The following HDAC9 variants were observed in gnomAD, a reference collection of about 807,000 sequenced individuals.
HDAC9 encodes the protein histone deacetylase 9, also known as MEF-2 interacting transcription repressor (MITR) protein.
In HDAC9, 41 loss-of-function variants were observed where a neutral mutation model predicts 139.4. The ratio of observed to expected loss-of-function variants is 0.29; its 90% confidence interval spans 0.23 to 0.38. The LOEUF (loss-of-function observed/expected upper bound fraction) is 0.38, where lower values mean the gene tolerates loss of function less well. Ranked by LOEUF, HDAC9 falls within the 10% of genes least tolerant of loss-of-function variation. The pLI is 1.00. For synonymous variants in HDAC9, 517 were observed against 476.2 expected (o/e 1.09, Z -1.12); for missense variants, 1,147 against 1,297.0 (o/e 0.88, Z 1.78).
At position 19,001,554 on chromosome 7, in the gene HDAC9, A is replaced by AC. The variant is rs1786749799; in HGVS notation, c.*5492_*5493insC. 6.6e-6 allele frequency: 1 copy of AC among 151,174 alleles called. No homozygotes were observed. The highest frequency in any genetic ancestry group is 2.1e-4 in the South Asian group (1 of 4,808). 9.4% of individuals were successfully genotyped at this position (151,174 alleles called of 1,614,324 possible). On this transcript the variant is annotated 3_prime_UTR_variant, in exon 26 of 26. Coordinates refer to ENST00000686413, the MANE Select transcript of HDAC9 (RefSeq NM_178425.4). ...TCAACAGAAATGGAGTAATTAAAAA[A>AC]AAAAACAAAAAACAGAGAAGAATTG...
intron 22 of HDAC9, among the ~76,000 whole-genome samples, chr7:18,914,202 C>G (rs1051092710): frequency 6.6e-6 from 1 of 151,588 alleles, no homozygotes; most frequent in Admixed American, 6.6e-5. Context: ...ACTGAATCTC[C>G]TATCAATCTG....
At chr7:18,271,859 G>T (rs1426169211) in intron 2 of HDAC9, among the ~76,000 whole-genome samples, 1 of 152,100 alleles carries the variant, frequency 6.6e-6, no homozygotes, top group African/African-American at 2.4e-5. Context: ...AGTATCTCAG[G>T]CATCTAACAA....
intron 2 of HDAC9, among the ~76,000 whole-genome samples, chr7:18,270,472 G>A (rs1796284797): frequency 1.3e-5 from 2 of 152,034 alleles, no homozygotes; most frequent in African/African-American, 4.8e-5. Flanking sequence ...TATAGAAAAG[G>A]CCAAGTACAT....
chr7:18,765,221 C>T (rs543866732), intron 15 of HDAC9, among the ~76,000 whole-genome samples: 1 of 152,204 alleles, frequency 6.6e-6, no homozygotes, highest in African/African-American at 2.4e-5. Flanking sequence ...TGTAAACATT[C>T]TCCTAAGTAG....
At chr7:18,834,689 T>A (rs371534656) in intron 19 of HDAC9, among the ~76,000 whole-genome samples, 6 of 152,178 alleles carry the variant, frequency 3.9e-5, no homozygotes, top group East Asian at 1.9e-4. Context: ...CCCAAATGAT[T>A]TAAGAGCTAA....
At chr7:18,270,060 T>C (rs974742699) in intron 2 of HDAC9, among the ~76,000 whole-genome samples, 2 of 152,122 alleles carry the variant, frequency 1.3e-5, no homozygotes, top group Non-Finnish European at 2.9e-5. Context: ...CTGGCTTCTA[T>C]CTACTGGCAC....
At chr7:18,934,103 TTTAAAC>T (rs1451883789) in intron 22 of HDAC9, among the ~76,000 whole-genome samples, 1 of 151,908 alleles carries the variant, frequency 6.6e-6, no homozygotes, top group Non-Finnish European at 1.5e-5. Flanking sequence ...TTTCAGCAAA[TTTAAAC>T]AATGAAATAA....
rs75924156 is a variant in HDAC9, at chr7:18,459,980, A to G, written c.-41-36282A>G. On this transcript the variant is annotated intron_variant, in intron 1 of 3. Coordinates refer to the HDAC9 transcript ENST00000413509. Reference sequence around the variant, plus strand: ...TTTTTTCGAGACAGAGGTTCTGCTCATCACCCATGGCTCACTGGAGCCTCA... The same window carrying G: ...TTTTTTCGAGACAGAGGTTCTGCTCGTCACCCATGGCTCACTGGAGCCTCA... Among the ~76,000 whole-genome samples the G allele has an allele frequency of 0.02, 2,894 of 147,438 alleles. 152 individuals are homozygous for G. In the East Asian group the frequency reaches 0.21, roughly 11 times the overall value.
chr7:18,590,841 G>A (rs951400129), intron 4 of HDAC9, among the ~76,000 whole-genome samples: 9 of 149,716 alleles, frequency 6.0e-5, no homozygotes, highest in Non-Finnish European at 1.2e-4. Context: ...TCCTGGCCAA[G>A]TAATAATTGC....
chr7:18,452,207 C>T (rs566120272), intron 1 of HDAC9, among the ~76,000 whole-genome samples: 2 of 152,166 alleles, frequency 1.3e-5, no homozygotes, highest in Non-Finnish European at 2.9e-5. Flanking sequence ...TAGCCACACA[C>T]TCCCTGAGCC....
chr7:18,888,220 G>GA (rs1319976918), intron 22 of HDAC9, among the ~76,000 whole-genome samples: 1 of 152,130 alleles, frequency 6.6e-6, no homozygotes, highest in Non-Finnish European at 1.5e-5. Flanking sequence ...AGGAGATCGA[G>GA]ACCATCCTGG....
chr7:18,670,985 C>T (rs1004525939), intron 12 of HDAC9, among the ~76,000 whole-genome samples: 2 of 151,684 alleles, frequency 1.3e-5, no homozygotes, highest in African/African-American at 4.8e-5. Context: ...CTGACCATAG[C>T]CGGTCCTAGG....
rs1300637756 is a variant in HDAC9, at chr7:18,998,725, G to A, written c.*2663G>A. 1 of 152,166 alleles carries A rather than the reference G, an allele frequency of 6.6e-6. No individual in the cohort carries two copies. Among genetic ancestry groups the A allele is most frequent in the African/African-American group, 2.4e-5 (1 of 41,446 alleles). The allele number at this position is 152,166 out of a possible 1,614,324, so 9.4% of individuals were successfully genotyped here. A position where few individuals can be genotyped will look rare whatever the true frequency, so the allele number is the denominator to read the frequency against. On this transcript the variant is annotated 3_prime_UTR_variant, in exon 26 of 26. Transcript: ENST00000686413. ...TTGTTCTGAATGAGAGGCTAGAAGA[G>A]TATTATCAATTTTGCATCTCCTTGT...
At chr7:18,607,281 T>C (rs749595823) in intron 6 of HDAC9, among the ~76,000 whole-genome samples, 4 of 152,212 alleles carry the variant, frequency 2.6e-5, no homozygotes, top group Non-Finnish European at 5.9e-5. Flanking sequence ...TCAAATATTT[T>C]GCTTGCAGAA....
At chr7:18,736,250 G>A (rs567255415) in intron 13 of HDAC9, among the ~76,000 whole-genome samples, 41 of 152,190 alleles carry the variant, frequency 2.7e-4, no homozygotes, top group African/African-American at 9.6e-4. Context: ...TGATTGCCCT[G>A]GCCAGAAGTT....
chr7:18,839,817 G>T (rs1796474412), intron 21 of HDAC9, among the ~76,000 whole-genome samples: 1 of 151,962 alleles, frequency 6.6e-6, no homozygotes, highest in Non-Finnish European at 1.5e-5. Context: ...ACAGTCCATT[G>T]ATGAGGATTG....
chr7:18,405,926 T>A (rs1408418679), intron 1 of HDAC9, among the ~76,000 whole-genome samples: 1 of 152,236 alleles, frequency 6.6e-6, no homozygotes, highest in Admixed American at 6.5e-5. Flanking sequence ...AGTTCCTCTC[T>A]GTTCTGACCA....
At chr7:18,717,355 A>G (rs940200825) in intron 12 of HDAC9, among the ~76,000 whole-genome samples, 1 of 152,188 alleles carries the variant, frequency 6.6e-6, no homozygotes, top group African/African-American at 2.4e-5. Flanking sequence ...CACGTTTGTT[A>G]AAGATACCCT....
intron 22 of HDAC9, among the ~76,000 whole-genome samples, chr7:18,880,914 A>G (rs920043890): frequency 6.6e-5 from 10 of 151,496 alleles, no homozygotes; most frequent in South Asian, 2.1e-4. Flanking sequence ...AGAAAATTGT[A>G]TTTCTTTTCA....
Sources: gnomAD v4.1 joint callset for allele counts (sites outside exome capture counted in the v4.1 genomes callset) on GRCh38, gnomAD v4.1.1 for gene constraint, MANE v1.5 for transcripts, NCBI Gene and HGNC (gene_info 2026-07-23, HGNC 2026-07-21) for gene names.